Variants in PLPPR3 observed in about 807,000 individuals in gnomAD.
PLPPR3 encodes the protein phospholipid phosphatase-related protein type 3.
PLPPR3 carries 14 observed loss-of-function variants against 27.3 expected under a neutral mutation model. The ratio of observed to expected loss-of-function variants is 0.51; its 90% CI spans 0.34 to 0.80. The LOEUF (loss-of-function observed/expected upper bound fraction) is 0.80, where lower values mean the gene tolerates loss of function less well. Ranked by LOEUF, PLPPR3 falls within the 30% of genes least tolerant of loss-of-function variation. The pLI is 0.01. For synonymous variants in PLPPR3, 671 were observed against 508.0 expected, an observed-to-expected ratio of 1.32 and a Z score of -4.32; for missense variants, 1,287 against 1,056.9, an observed-to-expected ratio of 1.22 and a Z score of -3.02.
At chr19:815,140 C>A in intron 4 of PLPPR3, 46 bp downstream of exon 4, 2 of 1,601,022 alleles carry the variant, frequency 1.2e-6, no homozygotes, top group Non-Finnish European at 1.7e-6. Context: ...GCCCCACCCC[C>A]TGCATGTGGA....
upstream of PLPPR3, among the ~76,000 whole-genome samples, chr19:822,752 G>A (rs2035167684): frequency 6.6e-6 from 1 of 152,232 alleles, no homozygotes; most frequent in African/African-American, 2.4e-5. Context: ...CCGTTGTAGG[G>A]ATGGGGAAAC....
intron 1 of PLPPR3, 72 bp downstream of exon 1, chr19:821,843 G>C (rs995844645): frequency 2.3e-5 from 7 of 307,310 alleles, no homozygotes; most frequent in African/African-American, 1.3e-4. Flanking sequence ...GTGGTGGGGG[G>C]CATCCGGGAG....
chr19:817,588 A>T (rs1353574608), intron 2 of PLPPR3, among the ~76,000 whole-genome samples: 6 of 152,136 alleles, frequency 3.9e-5, no homozygotes, highest in Non-Finnish European at 8.8e-5. Context: ...CCCCAGTCGT[A>T]ATTTCTGCCT....
upstream of PLPPR3, among the ~76,000 whole-genome samples, chr19:822,666 C>T (rs2035166687): frequency 2.0e-5 from 3 of 152,176 alleles, no homozygotes; most frequent in South Asian, 6.2e-4. Flanking sequence ...GGGACCCGCA[C>T]TCGGGCAGTG....
At chr19:816,918 A>AT (rs1243671777) in intron 2 of PLPPR3, among the ~76,000 whole-genome samples, 52 of 143,470 alleles carry the variant, frequency 3.6e-4, no homozygotes, top group African/African-American at 1.1e-3. Context: ...CCATCCATCC[A>AT]CCCATCCACC....
chr19:813,340 G>A lies in PLPPR3; in HGVS notation c.1387C>T (p.Pro463Ser). Residue 463 changes from proline (P) to serine (S), a missense_variant, in exon 8 of 8, where the codon CCG (proline) becomes TCG (serine). Transcript: ENST00000520876. This position sits in a 1 kb window ranked among gnomAD's most constrained non-coding sequence, Gnocchi z 4.1. Reference sequence around the variant, plus strand: ...GTGGGGTAGAGCGAGGGCGGGGCCGGGCCCTCGTCCTCCTCCTCTTCCTCC... The same window carrying A: ...GTGGGGTAGAGCGAGGGCGGGGCCGAGCCCTCGTCCTCCTCCTCTTCCTCC... ...EEEEEEEDEGPAPPSLYPTVQ... is the reference protein window; with the variant it reads ...EEEEEEEDEGSAPPSLYPTVQ... The A allele has an allele frequency of 4.1e-6, 6 of 1,472,572 alleles. No homozygotes were observed. The highest frequency in any genetic ancestry group is 5.4e-6 in the Non-Finnish European group (6 of 1,121,192). The allele number at this position is 1,472,572 out of a possible 1,614,324, so 91.2% of individuals were successfully genotyped here.
In PLPPR3 at chr19:812,823, G is replaced by C. The variant is rs1043390466; in HGVS notation, c.1904C>G (p.Pro635Arg). ...GACCGACGAGCCGGGGGACACGCCCGGGGGCTTGGCCCCGCCGCGGAAGCC... is the reference window on the plus strand; with the variant it reads ...GACCGACGAGCCGGGGGACACGCCCCGGGGCTTGGCCCCGCCGCGGAAGCC... ...ARGFRGGAKP[P>R]GVSPGSSVSD... The change falls in exon 8 of 8, where the codon CCG becomes CGG. Residue 635 changes from proline to arginine, a missense_variant. Transcript: ENST00000520876. The C allele has an allele frequency of 2.7e-6, 3 of 1,107,694 alleles. No individual in the cohort carries two copies. In the Admixed American group the frequency reaches 1.6e-4, roughly 59 times the overall value. The allele number at this position is 1,107,694 out of a possible 1,614,324, so 68.6% of individuals were successfully genotyped here. A position where few individuals can be genotyped will look rare whatever the true frequency, so the allele number is the denominator to read the frequency against.
chr19:821,068 G>A (rs1024617932), intron 2 of PLPPR3, among the ~76,000 whole-genome samples: 4 of 152,196 alleles, frequency 2.6e-5, no homozygotes, highest in African/African-American at 7.2e-5. Flanking sequence ...GGCCCAGAGA[G>A]GTTAGGGGCA....
chr19:823,417 G>C (rs2035176312), upstream of PLPPR3, among the ~76,000 whole-genome samples: 1 of 147,634 alleles, frequency 6.8e-6, no homozygotes, highest in South Asian at 2.2e-4. Context: ...CCTCCAGCCT[G>C]GGCGACAGAA....
chr19:823,511 CTCATAACAGGCA>C (rs2035180306), upstream of PLPPR3, among the ~76,000 whole-genome samples: 1 of 151,784 alleles, frequency 6.6e-6, no homozygotes, highest in African/African-American at 2.4e-5. Flanking sequence ...CCTTAGTTTG[CTCATAACAGGCA>C]CTGCTGCCCC....
In PLPPR3 at chr19:812,739, G is replaced by A. The variant is rs1001609628; in HGVS notation, c.1988C>T (p.Thr663Met). The A allele has an allele frequency of 8.4e-5, 90 of 1,068,634 alleles. No homozygotes were observed. In the African/African-American group the frequency reaches 1.3e-3, roughly 15 times the overall value. The allele number at this position is 1,068,634 out of a possible 1,614,324, so 66.2% of individuals were successfully genotyped here. ...FGAVATVNLATGEGLPPLGAA... is the reference protein window; with the variant it reads ...FGAVATVNLAMGEGLPPLGAA... ...GCCCAGCGGGGGCAGCCCCTCGCCC[G>A]TGGCCAGGTTGACGGTGGCCACGGC... is the stretch of plus-strand genomic sequence containing the variant. Residue 663 changes from threonine to methionine, a missense_variant, in exon 8 of 8, where the codon ACG becomes ATG. Thr to Met is a moderately conservative substitution (Grantham distance 81). Coordinates refer to ENST00000520876, the MANE Select transcript of PLPPR3 (RefSeq NM_001270366.2).
intron 2 of PLPPR3, among the ~76,000 whole-genome samples, chr19:818,342 C>T (rs1409420793): frequency 6.6e-6 from 1 of 151,918 alleles, no homozygotes; most frequent in Non-Finnish European, 1.5e-5. Flanking sequence ...GACATTGTTC[C>T]ACTGCACTCC....
At chr19:815,421 G>A in intron 3 of PLPPR3, 94 bp from the exon 4 acceptor site, 1 of 1,364,444 alleles carries the variant, frequency 7.3e-7, no homozygotes, top group Non-Finnish European at 9.6e-7. Flanking sequence ...GCTGGCACAG[G>A]CCCCGGTGTG....
chr19:815,659 T>C lies in PLPPR3; in HGVS notation c.261+7A>G. 1 of 1,569,598 alleles carries C rather than the reference T, an allele frequency of 6.4e-7. No homozygotes were observed. The highest frequency in any genetic ancestry group is 1.9e-5 in the Admixed American group (1 of 53,202). Reference sequence around the variant, plus strand: ...AGGCTGGCACAGGCCCCGGTGCAGGTGCTCACCGAGGCGGCAGGGGCCGCG... The same window carrying C: ...AGGCTGGCACAGGCCCCGGTGCAGGCGCTCACCGAGGCGGCAGGGGCCGCG... On this transcript the variant is annotated splice_region_variant and intron_variant, in intron 3 of 7. Coordinates refer to ENST00000520876, the MANE Select transcript of PLPPR3 (RefSeq NM_001270366.2).
chr19:813,966 G>A lies in PLPPR3; in HGVS notation c.832-71C>T. 5.0e-6 allele frequency: 7 copies of A among 1,400,618 alleles called. No individual in the cohort carries two copies. The highest frequency in any genetic ancestry group is 6.5e-6 in the Non-Finnish European group (7 of 1,083,412). 86.8% of individuals were successfully genotyped at this position (1,400,618 alleles called of 1,614,324 possible). ...CTCCTCCCCTGTGATCGTTGGACTT[G>A]CCGCGGGGGGCTCTGGACCGGGGGT... On this transcript the variant is annotated intron_variant, in intron 7 of 7. Transcript: ENST00000520876. The surrounding 1 kb of genome is among the most constrained non-coding windows in gnomAD (Gnocchi z 4.1).
Position 812,821 on chromosome 19 carries a change from C to A in PLPPR3, c.1906G>T (p.Gly636Cys). Residue 636 changes from glycine to cysteine, a missense_variant, in exon 8 of 8, where the codon GGC (glycine) becomes TGC (cysteine). Coordinates refer to ENST00000520876, the MANE Select transcript of PLPPR3 (RefSeq NM_001270366.2). ...CTGACCGACGAGCCGGGGGACACGCCCGGGGGCTTGGCCCCGCCGCGGAAG... is the reference window on the plus strand; with the variant it reads ...CTGACCGACGAGCCGGGGGACACGCACGGGGGCTTGGCCCCGCCGCGGAAG... ...RGFRGGAKPP[G>C]VSPGSSVSDV... is the part of the protein sequence containing the mutation. 8.1e-6 allele frequency: 9 copies of A among 1,108,120 alleles called. No homozygotes were observed. The highest frequency in any genetic ancestry group is 9.9e-6 in the Non-Finnish European group (9 of 907,428). The allele number at this position is 1,108,120 out of a possible 1,614,324, so 68.6% of individuals were successfully genotyped here. A position where few individuals can be genotyped will look rare whatever the true frequency, so the allele number is the denominator to read the frequency against.
chr19:812,540 CG>C lies in PLPPR3; in HGVS notation c.*29del. The C allele has an allele frequency of 4.3e-6, 4 of 934,788 alleles. No individual in the cohort carries two copies. Among genetic ancestry groups the C allele is most frequent in the Non-Finnish European group, 3.8e-6 (3 of 782,832 alleles). 57.9% of individuals were successfully genotyped at this position (934,788 alleles called of 1,614,324 possible). A position where few individuals can be genotyped will look rare whatever the true frequency, so the allele number is the denominator to read the frequency against. ...CGCGCGGCCGCCCGCGCCCTCGGCCCGCCCCCCGCCCGCCCCCGGCCCCGCC... is the reference window on the plus strand; with the variant it reads ...CGCGCGGCCGCCCGCGCCCTCGGCCCCCCCCCGCCCGCCCCCGGCCCCGCC... On this transcript the variant is annotated 3_prime_UTR_variant, in exon 8 of 8. Transcript: ENST00000520876.
intron 2 of PLPPR3, 63 bp downstream of exon 2, chr19:821,422 G>A (rs2035143337): frequency 1.4e-6 from 2 of 1,434,176 alleles, no homozygotes; most frequent in Non-Finnish European, 1.9e-6. Context: ...CCCAGCGCGG[G>A]GGTCTCTGCG....
At chr19:815,933 C>A (rs1242122345) in intron 2 of PLPPR3, 82 bp from the exon 3 acceptor site, 17 of 1,410,650 alleles carry the variant, frequency 1.2e-5, no homozygotes, top group Non-Finnish European at 1.6e-5. Context: ...TCAGGGCCAT[C>A]CACCGTCTCA....
Sources: gnomAD v4.1 joint callset for allele counts (sites outside exome capture counted in the v4.1 genomes callset) on GRCh38, gnomAD v4.1.1 for gene constraint, Gnocchi (gnomAD v3.1) non-coding constraint, MANE v1.5 for transcripts, NCBI Gene and HGNC (gene_info 2026-07-23, HGNC 2026-07-21) for gene names.